Variants in COQ8A observed in about 807,000 individuals in gnomAD.
COQ8A encodes the protein coenzyme Q8A, also known as atypical kinase COQ8A, mitochondrial.
A neutral mutation model predicts 65.0 loss-of-function variants in COQ8A; 51 were observed. That is an observed-to-expected ratio of 0.78 (90% CI 0.63 to 0.99). The LOEUF is 0.99. Ranked by LOEUF, COQ8A falls within the 50% of genes least tolerant of loss-of-function variation. The pLI, the probability that COQ8A is intolerant of heterozygous loss-of-function variation, is 0.00. For synonymous variants in COQ8A, 371 were observed against 353.2 expected, an observed-to-expected ratio of 1.05 and a Z score of -0.57; for missense variants, 940 against 875.0, an observed-to-expected ratio of 1.07 and a Z score of -0.94.
At chr1:226,947,526 G>T (rs1239955799) in intron 1 of COQ8A, among the ~76,000 whole-genome samples, 1 of 152,170 alleles carries the variant, frequency 6.6e-6, no homozygotes, top group Non-Finnish European at 1.5e-5. Flanking sequence ...TAAAACCGAG[G>T]CCAGGCACGG....
intron 11 of COQ8A, 124 bp from the exon 12 acceptor site, chr1:226,984,424 G>A (rs1659942927): frequency 7.8e-7 from 1 of 1,275,228 alleles, no homozygotes; most frequent in Admixed American, 1.9e-5. Context: ...AAGTAACACT[G>A]GGAATCAAAC....
chr1:226,960,102 C>T (rs894373347), intron 1 of COQ8A, among the ~76,000 whole-genome samples: 13 of 104,408 alleles, frequency 1.2e-4, no homozygotes, highest in African/African-American at 4.8e-4. Context: ...GGTGATGGTA[C>T]TTGGTGGTGG....
chr1:226,980,771 G>A (rs961898371), intron 5 of COQ8A, among the ~76,000 whole-genome samples: 2 of 152,238 alleles, frequency 1.3e-5, no homozygotes, highest in Non-Finnish European at 2.9e-5. Context: ...TTTCCACGTA[G>A]CTGCCTGCAT....
At chr1:226,966,952 G>A (rs902870823) in intron 4 of COQ8A, among the ~76,000 whole-genome samples, 2 of 152,226 alleles carry the variant, frequency 1.3e-5, no homozygotes, top group African/African-American at 4.8e-5. Flanking sequence ...TTTCTCAGCA[G>A]TAAGGTTTTC....
chr1:226,961,648 G>T, intron 2 of COQ8A, 86 bp downstream of exon 2: 1 of 1,472,862 alleles, frequency 6.8e-7, no homozygotes, highest in Middle Eastern at 2.4e-4. Flanking sequence ...TGTGACCATG[G>T]CAACTGGTCT....
chr1:226,952,043 C>T (rs746812514), intron 1 of COQ8A, among the ~76,000 whole-genome samples: 2 of 152,220 alleles, frequency 1.3e-5, no homozygotes, highest in Non-Finnish European at 2.9e-5. Flanking sequence ...TTTTGAGGAT[C>T]GGGGGTAAGC....
intron 1 of COQ8A, among the ~76,000 whole-genome samples, chr1:226,944,736 A>AAT (rs1656909704): frequency 2.8e-5 from 1 of 35,948 alleles, no homozygotes. Context: ...AGAGAGAGAG[A>AAT]GAGAGAGAGA....
Position 226,985,003 on chromosome 1 carries a change from G to C in COQ8A, c.1572+62G>C, listed in dbSNP as rs367846267. 1.5e-4 allele frequency: 242 copies of C among 1,586,596 alleles called. 3 individuals carry two copies. The highest frequency in any genetic ancestry group is 1.0e-3 in the Middle Eastern group (6 of 6,020). On this transcript the variant is annotated intron_variant, in intron 13 of 14. Coordinates refer to ENST00000366777, the MANE Select transcript of COQ8A (RefSeq NM_020247.5). ...TTCTGAGGCTGGGACAGGATGCTGG[G>C]GGACTCGGGGTAGGGAGAATGACTG...
At chr1:226,970,104 T>A (rs2777842) in intron 4 of COQ8A, among the ~76,000 whole-genome samples, 1 of 152,152 alleles carries the variant, frequency 6.6e-6, no homozygotes, top group Non-Finnish European at 1.5e-5. Context: ...AGGTGTGTGC[T>A]GCCATGCCCG....
chr1:226,957,011 C>T (rs1236193269), intron 1 of COQ8A, among the ~76,000 whole-genome samples: 1 of 144,046 alleles, frequency 6.9e-6, no homozygotes, highest in African/African-American at 2.6e-5. Context: ...CACACTCTCC[C>T]TGGCTGCCAC....
chr1:226,942,299 A>G (rs1656754586), intron 1 of COQ8A, among the ~76,000 whole-genome samples: 1 of 151,950 alleles, frequency 6.6e-6, no homozygotes, highest in South Asian at 2.1e-4. Flanking sequence ...AAAGCCATGT[A>G]GATTGGGCTA....
At chr1:226,982,251 G>T (rs1659746872) in intron 6 of COQ8A, 102 bp downstream of exon 6, 2 of 1,476,308 alleles carry the variant, frequency 1.4e-6, no homozygotes, top group East Asian at 5.0e-5. Context: ...CAGTGGGCAA[G>T]ATGTGAGCAG....
At chr1:226,962,684 G>C (rs1259546524) in intron 2 of COQ8A, among the ~76,000 whole-genome samples, 7 of 152,178 alleles carry the variant, frequency 4.6e-5, no homozygotes, top group Non-Finnish European at 1.0e-4. Flanking sequence ...CTCAGGTTTA[G>C]GACCTGCAGG....
At position 226,977,531 on chromosome 1, in the gene COQ8A, G is replaced by A. The variant is rs533407862; in HGVS notation, c.730+8G>A. The A allele has an allele frequency of 5.9e-5, 91 of 1,554,404 alleles. No individual in the cohort carries two copies. The highest frequency in any genetic ancestry group is 6.8e-5 in the Non-Finnish European group (78 of 1,148,634). ...GCTCCGAGGACCCCTCAGGTGAGCC[G>A]GGCCCTTCAGTGGGAGGGGCAGGGT... On this transcript the variant is annotated splice_region_variant and intron_variant, in intron 5 of 14. Transcript: ENST00000366777.
chr1:226,981,335 C>A (rs140711515), intron 5 of COQ8A, among the ~76,000 whole-genome samples: 1 of 152,238 alleles, frequency 6.6e-6, no homozygotes, highest in Non-Finnish European at 1.5e-5. Flanking sequence ...CCTTCTGCTG[C>A]TCCTGAGTCG....
chr1:226,969,789 A>T (rs373572314), intron 4 of COQ8A, among the ~76,000 whole-genome samples: 2 of 152,212 alleles, frequency 1.3e-5, no homozygotes, highest in East Asian at 3.9e-4. Context: ...GTAGACTGAT[A>T]ATCTTACAAT....
chr1:226,976,573 C>G (rs1204300572), intron 4 of COQ8A, among the ~76,000 whole-genome samples: 1 of 152,202 alleles, frequency 6.6e-6, no homozygotes, highest in Admixed American at 6.5e-5. Flanking sequence ...TTTCTGCTCA[C>G]CCATGCCTAC....
intron 4 of COQ8A, among the ~76,000 whole-genome samples, chr1:226,968,872 T>G (rs1232943049): frequency 6.6e-6 from 1 of 152,176 alleles, no homozygotes; most frequent in Non-Finnish European, 1.5e-5. Context: ...TCTGTGGATA[T>G]TAGATTTTCT....
At chr1:226,962,567 C>T (rs1288283702) in intron 2 of COQ8A, among the ~76,000 whole-genome samples, 8 of 152,290 alleles carry the variant, frequency 5.3e-5, no homozygotes, top group South Asian at 2.1e-4. Flanking sequence ...GAGGTTGTGT[C>T]GCAGCTTCTC....
Sources: gnomAD v4.1 joint callset for allele counts (sites outside exome capture counted in the v4.1 genomes callset) on GRCh38, gnomAD v4.1.1 for gene constraint, MANE v1.5 for transcripts, NCBI Gene and HGNC (gene_info 2026-07-23, HGNC 2026-07-21) for gene names.